The following LRMDA variants were observed in gnomAD, a reference collection of about 807,000 sequenced individuals.
The protein encoded by LRMDA is leucine-rich melanocyte differentiation-associated protein.
In LRMDA, 18 loss-of-function variants were observed where a neutral mutation model predicts 29.8. That is an observed-to-expected ratio of 0.60 (90% confidence interval 0.42 to 0.90). LRMDA has a LOEUF of 0.90. LRMDA is among the 40% of genes least tolerant of loss of function. The probability of loss-of-function intolerance (pLI) is 0.00; values close to 1 mark genes in which losing one functional copy is unlikely to be tolerated. For missense variants in LRMDA, 273 were observed against 273.9 expected, an observed-to-expected ratio of 1.00 and a Z score of 0.02; for synonymous variants, 125 against 109.4, an observed-to-expected ratio of 1.14 and a Z score of -0.89.
chr10:75,821,779 C>CA (rs1254277350), intron 2 of LRMDA, among the ~76,000 whole-genome samples: 1 of 150,320 alleles, frequency 6.7e-6, no homozygotes, highest in Non-Finnish European at 1.5e-5. Context: ...AAAAAACAAA[C>CA]AAACAAACAA....
intron 6 of LRMDA, among the ~76,000 whole-genome samples, chr10:76,425,605 A>G (rs1842116212): frequency 6.6e-6 from 1 of 151,468 alleles, no homozygotes; most frequent in African/African-American, 2.4e-5. Flanking sequence ...TATTTTTCAT[A>G]TATATTTTTT....
intron 6 of LRMDA, among the ~76,000 whole-genome samples, chr10:76,540,292 G>T (rs1843339394): frequency 6.6e-6 from 1 of 150,564 alleles, no homozygotes; most frequent in Non-Finnish European, 1.5e-5. Context: ...TGAAAAGATA[G>T]CAGTAGAGGG....
chr10:75,591,590 T>G (rs1029227133), intron 2 of LRMDA, among the ~76,000 whole-genome samples: 1 of 152,228 alleles, frequency 6.6e-6, no homozygotes, highest in Non-Finnish European at 1.5e-5. Context: ...AACTTCTTTC[T>G]GCATGTTCTT....
At chr10:76,239,474 A>G (rs1401106912) in intron 5 of LRMDA, among the ~76,000 whole-genome samples, 1 of 152,214 alleles carries the variant, frequency 6.6e-6, no homozygotes, top group African/African-American at 2.4e-5. Flanking sequence ...GTGTCCAAAC[A>G]CAGCCCATAC....
At chr10:75,794,053 C>T (rs1192099692) in intron 2 of LRMDA, among the ~76,000 whole-genome samples, 3 of 152,192 alleles carry the variant, frequency 2.0e-5, no homozygotes, top group Non-Finnish European at 4.4e-5. Flanking sequence ...CAGCAGGCTG[C>T]AGTTGACCAG....
chr10:76,134,363 T>C (rs1192138733), intron 5 of LRMDA, among the ~76,000 whole-genome samples: 1 of 152,184 alleles, frequency 6.6e-6, no homozygotes, highest in Non-Finnish European at 1.5e-5. Context: ...TTTGTTCAGA[T>C]TGAGATGGAA....
intron 5 of LRMDA, among the ~76,000 whole-genome samples, chr10:76,176,993 C>T (rs1215486109): frequency 6.6e-6 from 1 of 152,124 alleles, no homozygotes; most frequent in Middle Eastern, 3.2e-3. Flanking sequence ...GCTGATTTTC[C>T]AATAGAGTCT....
rs1322447767 is a variant in LRMDA at position 75,897,820 on chromosome 10, T to C, written c.132-138188T>C. On this transcript the variant is annotated intron_variant, in intron 2 of 6. Coordinates refer to ENST00000611255, the MANE Select transcript of LRMDA (RefSeq NM_001305581.2). ...TTGCTAAAGCACTTCTTCCTGCCTT[T>C]TTTTTTTTTTTTTTTTTTTTGAGAC... Among the ~76,000 whole-genome samples the C allele has an allele frequency of 1.2e-3, 168 of 136,190 alleles. 3 individuals are homozygous for C. The highest frequency in any genetic ancestry group is 5.9e-3 in the East Asian group (28 of 4,706). The allele number at this position is 136,190 out of a possible 152,430, so 89.3% of individuals were successfully genotyped here.
intron 2 of LRMDA, among the ~76,000 whole-genome samples, chr10:75,759,173 A>G (rs189423314): frequency 6.6e-6 from 1 of 152,202 alleles, no homozygotes; most frequent in Admixed American, 6.5e-5. Flanking sequence ...CATGGATACA[A>G]TCAGTGGTGC....
intron 2 of LRMDA, among the ~76,000 whole-genome samples, chr10:75,990,881 G>A (rs1244504237): frequency 6.6e-6 from 1 of 152,144 alleles, no homozygotes. Context: ...GAAGCCTTGT[G>A]GAGGCCATCG....
intron 2 of LRMDA, among the ~76,000 whole-genome samples, chr10:75,675,768 G>A (rs148896414): frequency 6.6e-6 from 1 of 151,732 alleles, no homozygotes; most frequent in Non-Finnish European, 1.5e-5. Flanking sequence ...AGTTGGTCTT[G>A]TTCTAGATCT....
chr10:76,353,894 C>G (rs1222947071), intron 6 of LRMDA, among the ~76,000 whole-genome samples: 2 of 152,110 alleles, frequency 1.3e-5, no homozygotes, highest in Non-Finnish European at 2.9e-5. Flanking sequence ...GTTTTAACAT[C>G]CCTAATACCA....
chr10:76,357,704 G>T (rs1364227654), intron 6 of LRMDA, among the ~76,000 whole-genome samples: 1 of 152,022 alleles, frequency 6.6e-6, no homozygotes. Flanking sequence ...TGACTAAAGG[G>T]GTCCTTGATT....
rs1160917576 is a variant in LRMDA at position 76,058,679 on chromosome 10, T to C, written c.412T>C (p.Tyr138His). ...DYKRYRCFVL[Y>H]KLPNLKFLDA... is the part of the protein sequence containing the mutation. ...CTTATCTTCCAGATGCTTTGTTCTGTACAAGCTGCCCAACTTGAAATTTCT... is the reference window on the plus strand; with the variant it reads ...CTTATCTTCCAGATGCTTTGTTCTGCACAAGCTGCCCAACTTGAAATTTCT... The change falls in exon 5 of 7, where the codon TAC (tyrosine) becomes CAC (histidine). Residue 138 changes from tyrosine to histidine, a missense_variant. Tyr to His is a moderately conservative substitution (Grantham distance 83, BLOSUM62 2). Coordinates refer to ENST00000611255, the MANE Select transcript of LRMDA (RefSeq NM_001305581.2). 1.9e-6 allele frequency: 3 copies of C among 1,613,812 alleles called. No homozygotes were observed. The highest frequency in any genetic ancestry group is 2.5e-6 in the Non-Finnish European group (3 of 1,179,718).
chr10:75,702,545 C>T (rs1371442406), intron 2 of LRMDA, among the ~76,000 whole-genome samples: 2 of 152,050 alleles, frequency 1.3e-5, no homozygotes, highest in Non-Finnish European at 2.9e-5. Context: ...GTCTGAGTAC[C>T]GAGGCCAACT....
At chr10:75,857,027 A>G (rs767807321) in intron 2 of LRMDA, among the ~76,000 whole-genome samples, 29 of 152,206 alleles carry the variant, frequency 1.9e-4, no homozygotes, top group Non-Finnish European at 3.5e-4. Flanking sequence ...AAGCATTCTT[A>G]TACACCAATA....
intron 6 of LRMDA, among the ~76,000 whole-genome samples, chr10:76,357,720 C>T (rs1455503483): frequency 1.3e-5 from 2 of 152,160 alleles, no homozygotes; most frequent in Non-Finnish European, 1.5e-5. Context: ...TGATTTCACT[C>T]TCTTGAGAAG....
chr10:75,873,360 T>C (rs1433751139), intron 2 of LRMDA, among the ~76,000 whole-genome samples: 1 of 152,254 alleles, frequency 6.6e-6, no homozygotes, highest in South Asian at 2.1e-4. Flanking sequence ...GTATTTAATC[T>C]CCTCTTTTGT....
chr10:76,361,374 C>T (rs1342228472), intron 6 of LRMDA, among the ~76,000 whole-genome samples: 2 of 152,026 alleles, frequency 1.3e-5, no homozygotes, highest in Non-Finnish European at 2.9e-5. Context: ...ATGGTGACCC[C>T]AGGACTCCAG....
Sources: allele counts gnomAD v4.1 joint callset (sites outside exome capture counted in the v4.1 genomes callset), GRCh38; gene constraint gnomAD v4.1.1; transcripts MANE v1.5; gene names NCBI Gene and HGNC (gene_info 2026-07-23, HGNC 2026-07-21).